ACAD9: variants seen among roughly 807,000 people sequenced by gnomAD.
ACAD9 encodes the protein complex I assembly factor ACAD9, mitochondrial.
A neutral mutation model predicts 70.2 loss-of-function variants in ACAD9; 53 were observed. That is an observed-to-expected ratio of 0.75 (90% CI 0.61 to 0.95). The LOEUF (loss-of-function observed/expected upper bound fraction) is 0.95, where lower values mean the gene tolerates loss of function less well. Among genes scored for constraint, ACAD9 ranks in the 40% least tolerant of loss-of-function variants. ACAD9 has a pLI of 0.00. For missense variants in ACAD9, 777 were observed against 802.8 expected, an observed-to-expected ratio of 0.97 and a Z score of 0.39; for synonymous variants, 313 against 312.1, an observed-to-expected ratio of 1.00 and a Z score of -0.03.
At chr3:128,894,530 G>A (rs1405012690) in intron 3 of ACAD9, among the ~76,000 whole-genome samples, 2 of 150,764 alleles carry the variant, frequency 1.3e-5, no homozygotes, top group Non-Finnish European at 3.0e-5. Flanking sequence ...ACAAGATTGC[G>A]AGCTTTTTTT....
At chr3:128,879,980 G>C (rs1357664154) in intron 1 of ACAD9, 139 bp downstream of exon 1, 1 of 1,555,224 alleles carries the variant, frequency 6.4e-7, no homozygotes, top group Non-Finnish European at 8.7e-7. Flanking sequence ...TTAACACTCC[G>C]GATTCCTGAG....
chr3:128,910,898 C>T, intron 17 of ACAD9, 85 bp downstream of exon 17: 1 of 1,478,568 alleles, frequency 6.8e-7, no homozygotes, highest in South Asian at 1.1e-5. Flanking sequence ...CCCTGTCAAG[C>T]TCCCAGAGCC....
At chr3:128,908,573 T>C in intron 13 of ACAD9, 1 of 559,686 alleles carries the variant, frequency 1.8e-6, no homozygotes. Context: ...CCTTTAAAGG[T>C]GCCAGGCCTC....
chr3:128,912,550 G>A lies in ACAD9; in HGVS notation c.1809G>A (p.Gln603=). Residue 603 remains glutamine (Q), a synonymous_variant, in exon 18 of 18, where the codon CAG becomes CAA. Coordinates refer to ENST00000308982, the MANE Select transcript of ACAD9 (RefSeq NM_014049.5). The stretch of plus-strand genomic sequence containing the variant: ...ATGAGCAGATTAAGAAAGTGTCCCA[G>A]CAGATCCTTGAGAAGCGAGCCTATA... ...NLDEQIKKVS[Q]QILEKRAYIC... is the part of the protein sequence containing the mutation. 6.2e-7 allele frequency: 1 copy of A among 1,614,168 alleles called. No homozygotes were observed.
intron 1 of ACAD9, among the ~76,000 whole-genome samples, chr3:128,880,311 G>A (rs1935050820): frequency 6.6e-6 from 1 of 152,182 alleles, no homozygotes; most frequent in South Asian, 2.1e-4. Flanking sequence ...GCTTCCCAAG[G>A]GTGGCACAAC....
Position 128,908,982 on chromosome 3 carries a change from A to C in ACAD9, c.1368A>C (p.Lys456Asn), listed in dbSNP as rs1199066893. ...CATGGACTTTCTGCAGTGAGCTTAA[A>C]CAGGCCAAAGTGAGCACAGTCATGG... ...RILTTRIHEL[K>N]QAKVSTVMDT... Residue 456 changes from lysine to asparagine, a missense_variant, in exon 14 of 18, where the codon AAA becomes AAC. Lys to Asn is a moderately conservative substitution (Grantham distance 94, BLOSUM62 0). Coordinates refer to ENST00000308982, the MANE Select transcript of ACAD9 (RefSeq NM_014049.5). 1.9e-6 allele frequency: 3 copies of C among 1,613,976 alleles called. No homozygotes were observed. Among genetic ancestry groups the C allele is most frequent in the Non-Finnish European group, 2.5e-6 (3 of 1,180,020 alleles).
chr3:128,884,579 C>T (rs564971522), intron 1 of ACAD9, 74 bp from the exon 2 acceptor site: 2 of 1,116,610 alleles, frequency 1.8e-6, no homozygotes, highest in Non-Finnish European at 2.7e-6. Context: ...GTTTTTCCTT[C>T]CCTTTTAACT....
intron 2 of ACAD9, among the ~76,000 whole-genome samples, chr3:128,889,510 G>A (rs141449059): frequency 5.0e-4 from 76 of 152,332 alleles, no homozygotes; most frequent in Middle Eastern, 3.4e-3. Context: ...CTCATTACCC[G>A]TCAAAGTTTC....
chr3:128,906,060 C>T, intron 11 of ACAD9, 61 bp from the exon 12 acceptor site: 1 of 1,612,624 alleles, frequency 6.2e-7, no homozygotes, highest in South Asian at 1.1e-5. Context: ...CCTCCCCAGC[C>T]ACCCAGCTCC....
At chr3:128,894,872 ATT>A (rs138817276) in intron 3 of ACAD9, among the ~76,000 whole-genome samples, 3,542 of 105,288 alleles carry the variant, frequency 0.034, 47 homozygotes, top group Middle Eastern at 0.14. Context: ...CTGTATTGTG[ATT>A]TTTTTTTTTT....
At chr3:128,909,307 G>T (rs1188478461) in intron 14 of ACAD9, 37 bp from the exon 15 acceptor site, 2 of 1,610,292 alleles carry the variant, frequency 1.2e-6, no homozygotes, top group Non-Finnish European at 1.7e-6. Context: ...GCACTGTAGG[G>T]ATGAGGTGCT....
chr3:128,885,945 A>C (rs1381770122), intron 2 of ACAD9, among the ~76,000 whole-genome samples: 1 of 151,778 alleles, frequency 6.6e-6, no homozygotes, highest in Non-Finnish European at 1.5e-5. Context: ...TGAACCCAGG[A>C]GGCAGAGATT....
At chr3:128,904,201 C>A in intron 10 of ACAD9, 69 bp downstream of exon 10, 1 of 1,587,016 alleles carries the variant, frequency 6.3e-7, no homozygotes, top group South Asian at 1.1e-5. Context: ...CTTTTGATGT[C>A]TCTGTACTGG....
chr3:128,879,880 C>T, intron 1 of ACAD9, 39 bp downstream of exon 1: 2 of 1,613,536 alleles, frequency 1.2e-6, no homozygotes, highest in Middle Eastern at 1.6e-4. Flanking sequence ...TGTCTGGCTC[C>T]CGCTTTTCAC....
chr3:128,909,209 G>A lies in ACAD9; in HGVS notation c.1485+110G>A, dbSNP rs1285379350. Reference sequence around the variant, plus strand: ...GTCTGGGCTTCTCCAGGGGAAGTTGGGGAACACCAGCTAGTCCATGACACC... The same window carrying A: ...GTCTGGGCTTCTCCAGGGGAAGTTGAGGAACACCAGCTAGTCCATGACACC... On this transcript the variant is annotated intron_variant, in intron 14 of 17. Transcript: ENST00000308982. 3.8e-6 allele frequency: 6 copies of A among 1,597,192 alleles called. No homozygotes were observed. In the East Asian group the frequency reaches 1.1e-4, roughly 30 times the overall value.
intron 13 of ACAD9, 109 bp downstream of exon 13, chr3:128,908,373 G>C: frequency 1.5e-6 from 2 of 1,338,704 alleles, no homozygotes; most frequent in Non-Finnish European, 2.1e-6. Context: ...GGGGGCATGG[G>C]GGTGTGGCGC....
At chr3:128,912,435 C>T in intron 17 of ACAD9, 72 bp from the exon 18 acceptor site, 1 of 1,397,116 alleles carries the variant, frequency 7.2e-7, no homozygotes, top group East Asian at 2.3e-5. Context: ...TGGAAAAATG[C>T]CCCCACTTCA....
intron 2 of ACAD9, among the ~76,000 whole-genome samples, chr3:128,891,676 A>G (rs1935425588): frequency 6.6e-6 from 1 of 152,204 alleles, no homozygotes; most frequent in Admixed American, 6.5e-5. Context: ...CTGTGTTGAC[A>G]GGATTTACCT....
Position 128,908,977 on chromosome 3 carries a change from C to A in ACAD9, c.1363C>A (p.Leu455Ile). ...AGGACCATGGACTTTCTGCAGTGAG[C>A]TTAAACAGGCCAAAGTGAGCACAGT... ...GRILTTRIHE[L>I]KQAKVSTVMD... Residue 455 changes from leucine to isoleucine, a missense_variant, in exon 14 of 18, where the codon CTT becomes ATT. Coordinates refer to ENST00000308982, the MANE Select transcript of ACAD9 (RefSeq NM_014049.5). 1 of 1,614,126 alleles carries A rather than the reference C, an allele frequency of 6.2e-7. No individual in the cohort carries two copies. The highest frequency in any genetic ancestry group is 8.5e-7 in the Non-Finnish European group (1 of 1,180,014).
Sources: gnomAD v4.1 joint callset for allele counts (sites outside exome capture counted in the v4.1 genomes callset) on GRCh38, gnomAD v4.1.1 for gene constraint, MANE v1.5 for transcripts, NCBI Gene and HGNC (gene_info 2026-07-23, HGNC 2026-07-21) for gene names.